POLE: variants seen among roughly 807,000 people sequenced by gnomAD.
The protein encoded by POLE is DNA polymerase epsilon, catalytic subunit, also known as DNA polymerase epsilon catalytic subunit A.
A neutral mutation model predicts 279.2 loss-of-function variants in POLE; 188 were observed. The observed-to-expected ratio is 0.67, with a 90% confidence interval of 0.60 to 0.76. The LOEUF (loss-of-function observed/expected upper bound fraction) is 0.76. POLE is among the 30% of genes least tolerant of loss of function. The probability of loss-of-function intolerance (pLI) is 0.00; values close to 1 mark genes in which losing one functional copy is unlikely to be tolerated. For synonymous variants in POLE, 1,214 were observed against 1,172.5 expected (o/e 1.04, Z -0.72); for missense variants, 2,703 against 3,016.7 (o/e 0.90, Z 2.44).
chr12:132,667,778 A>C (rs1282539121), intron 19 of POLE, 130 bp from the exon 20 acceptor site: 1 of 982,582 alleles, frequency 1.0e-6, no homozygotes, highest in East Asian at 2.4e-5. Flanking sequence ...ATACACTGCT[A>C]GTTTCTCATA....
chr12:132,676,684 C>G (rs1347003657), intron 8 of POLE, 31 bp from the exon 9 acceptor site: 1 of 1,402,106 alleles, frequency 7.1e-7, no homozygotes, highest in Non-Finnish European at 1.0e-6. Flanking sequence ...TAAAGCCAAG[C>G]TCTAAACTCC....
chr12:132,662,635 A>G (rs2042704588), intron 23 of POLE, among the ~76,000 whole-genome samples: 1 of 152,160 alleles, frequency 6.6e-6, no homozygotes, highest in Admixed American at 6.5e-5. Flanking sequence ...GGGTTTTTAC[A>G]TCATTCTTCT....
chr12:132,681,787 T>A (rs964238246), intron 1 of POLE, among the ~76,000 whole-genome samples: 3 of 152,254 alleles, frequency 2.0e-5, no homozygotes, highest in Non-Finnish European at 4.4e-5. Flanking sequence ...AGAGTCATGA[T>A]GGCTAGACAC....
Position 132,679,660 on chromosome 12 carries a change from C to T in POLE, c.424-9G>A, listed in dbSNP as rs1060504074. On this transcript the variant is annotated splice_polypyrimidine_tract_variant and intron_variant, in intron 5 of 48. Transcript: ENST00000320574. ...CCCACCAAGTGATTTGGCTATAATG[C>T]GAAGAGATCACGCTCATTGGTTCAA... The T allele has an allele frequency of 6.9e-6, 11 of 1,604,478 alleles. No homozygotes were observed. The South Asian group carries it at 7.7e-5, about 11-fold the overall frequency.
Position 132,634,452 on chromosome 12 carries a change from G to A in POLE, c.5812-74C>T. The A allele has an allele frequency of 1.4e-6, 2 of 1,455,994 alleles. No homozygotes were observed. Among genetic ancestry groups the A allele is most frequent in the Non-Finnish European group, 1.9e-6 (2 of 1,058,102 alleles). The allele number at this position is 1,455,994 out of a possible 1,614,324, so 90.2% of individuals were successfully genotyped here. ...TAGAGGGGTAGGATGCCACAGCGAA[G>A]GCTCCTCCAACCTGGGTCCATCTGC... On this transcript the variant is annotated intron_variant, in intron 42 of 48. Transcript: ENST00000320574. The surrounding 1 kb of genome is among the most constrained non-coding windows in gnomAD (Gnocchi z 4.0).
At chr12:132,648,835 C>G (rs2138594133) in intron 32 of POLE, 94 bp downstream of exon 32, 1 of 1,311,756 alleles carries the variant, frequency 7.6e-7, no homozygotes. Flanking sequence ...CCATAAGGTA[C>G]TGAGGAGATG....
chr12:132,626,031 G>T, intron 46 of POLE, 86 bp downstream of exon 46: 1 of 1,351,274 alleles, frequency 7.4e-7, no homozygotes, highest in Non-Finnish European at 1.0e-6. Context: ...GACCCACAGA[G>T]CTGGAGCTGC....
rs757051826 is a variant in POLE, at chr12:132,665,308, C to T, written c.2462G>A (p.Arg821His). 1.2e-5 allele frequency: 20 copies of T among 1,613,542 alleles called. No individual in the cohort carries two copies. Among genetic ancestry groups the T allele is most frequent in the Non-Finnish European group, 1.7e-5 (20 of 1,179,754 alleles). Residue 821 changes from arginine (R) to histidine (H), a missense_variant, in exon 21 of 49, where the codon CGC (arginine) becomes CAC (histidine). Arg to His is a conservative substitution (Grantham distance 29). Transcript: ENST00000320574. The part of the protein sequence containing the change: ...ILNSFYGYVM[R>H]KGARWYSMEM... ...CGGGCCCGGGCCCACCTACCCCTTG[C>T]GCATGACATAGCCATAGAAGGAGTT...
intron 16 of POLE, among the ~76,000 whole-genome samples, chr12:132,669,477 GA>G (rs2042875517): frequency 6.6e-6 from 1 of 150,636 alleles, no homozygotes; most frequent in Non-Finnish European, 1.5e-5. Context: ...AAAAAAAAAA[GA>G]AAAAGAAAAA....
Position 132,677,575 on chromosome 12 carries a change from C to T in POLE, c.720+3G>A, listed in dbSNP as rs1555229633. On this transcript the variant is annotated splice_donor_region_variant and intron_variant, in intron 7 of 48. Coordinates refer to ENST00000320574, the MANE Select transcript of POLE (RefSeq NM_006231.4). ...AGCAGCGACCCAACCCTGCCCCACTCACCACGTGGATCTTCAGGTCAATGG... is the reference window on the plus strand; with the variant it reads ...AGCAGCGACCCAACCCTGCCCCACTTACCACGTGGATCTTCAGGTCAATGG... The T allele has an allele frequency of 1.9e-6, 3 of 1,614,170 alleles. No homozygotes were observed. The highest frequency in any genetic ancestry group is 2.5e-6 in the Non-Finnish European group (3 of 1,180,010).
At chr12:132,672,152 A>C in intron 16 of POLE, 63 bp downstream of exon 16, 1 of 1,120,064 alleles carries the variant, frequency 8.9e-7, no homozygotes, top group East Asian at 2.4e-5. Flanking sequence ...TGCTGCTGAA[A>C]GACGTGGTCT....
rs761055730 is a variant in POLE at position 132,680,046 on chromosome 12, C to A, written c.331G>T (p.Gly111Cys). Reference protein sequence around the residue: ...KPYFYIATRKGCEREVSSFLS... With the variant: ...KPYFYIATRKCCEREVSSFLS... ...AAAGATGAAACTTCTCGCTCACAAC[C>A]CTAATCAGGATCAGAATGAAAAGGC... Residue 111 changes from glycine to cysteine, a missense_variant and splice_region_variant, in exon 5 of 49, where the codon GGT (glycine) becomes TGT (cysteine). Coordinates refer to ENST00000320574, the MANE Select transcript of POLE (RefSeq NM_006231.4). The A allele has an allele frequency of 6.2e-7, 1 of 1,613,188 alleles. No individual in the cohort carries two copies. Among genetic ancestry groups the A allele is most frequent in the Admixed American group, 1.7e-5 (1 of 59,924 alleles).
At chr12:132,677,490 T>C in intron 7 of POLE, 47 bp from the exon 8 acceptor site, 10 of 1,608,388 alleles carry the variant, frequency 6.2e-6, no homozygotes, top group Non-Finnish European at 8.5e-6. Context: ...TCCAGGAAAG[T>C]CTATTCTTCT....
intron 20 of POLE, among the ~76,000 whole-genome samples, chr12:132,666,769 G>A (rs1227437302): frequency 1.3e-5 from 2 of 152,192 alleles, no homozygotes; most frequent in East Asian, 1.9e-4. Flanking sequence ...TTCAGAAGGC[G>A]AAGAATTCTG....
intron 3 of POLE, 111 bp downstream of exon 3, chr12:132,680,496 T>C: frequency 5.9e-6 from 5 of 844,780 alleles, no homozygotes; most frequent in Non-Finnish European, 9.9e-6. Context: ...CGAGTTCTGC[T>C]GGGCTATGGG....
chr12:132,647,170 GCT>G (rs1243841646), intron 32 of POLE, among the ~76,000 whole-genome samples: 2 of 152,066 alleles, frequency 1.3e-5, no homozygotes, highest in Non-Finnish European at 2.9e-5. Flanking sequence ...GCGGGATTTG[GCT>G]ACGGTTGATG....
intron 45 of POLE, among the ~76,000 whole-genome samples, chr12:132,629,265 C>T (rs779157639): frequency 3.0e-4 from 45 of 152,332 alleles, no homozygotes; most frequent in Non-Finnish European, 6.2e-4. Flanking sequence ...ACTGAATGAG[C>T]AGTGGCTTCG....
chr12:132,630,153 T>G (rs1163292872), intron 45 of POLE, among the ~76,000 whole-genome samples: 2 of 152,124 alleles, frequency 1.3e-5, no homozygotes, highest in Non-Finnish European at 1.5e-5. Flanking sequence ...GCTGATATAA[T>G]AATAGTGGAA....
At chr12:132,656,807 T>C (rs377707105) in intron 29 of POLE, among the ~76,000 whole-genome samples, 2 of 152,234 alleles carry the variant, frequency 1.3e-5, no homozygotes, top group East Asian at 1.9e-4. Flanking sequence ...AGTGTTTCCA[T>C]AGGGAAGATA....
Sources: gnomAD v4.1 joint callset for allele counts (sites outside exome capture counted in the v4.1 genomes callset) on GRCh38, gnomAD v4.1.1 for gene constraint, Gnocchi (gnomAD v3.1) non-coding constraint, MANE v1.5 for transcripts, NCBI Gene and HGNC (gene_info 2026-07-23, HGNC 2026-07-21) for gene names.